Variants in NRG4 observed in about 807,000 individuals in gnomAD.
NRG4 encodes neuregulin 4.
In NRG4, 10 loss-of-function variants were observed where a neutral mutation model predicts 15.0. The observed-to-expected ratio is 0.67, with a 90% confidence interval of 0.41 to 1.13. The LOEUF is 1.13. Ranked by LOEUF, NRG4 falls within the 50% of genes most tolerant of loss-of-function variation. NRG4 has a pLI of 0.00. For missense variants in NRG4, 139 were observed against 140.2 expected (o/e 0.99, Z 0.04); for synonymous variants, 41 against 50.1 (o/e 0.82, Z 0.77).
intron 3 of NRG4, among the ~76,000 whole-genome samples, chr15:76,002,442 G>A (rs2034447598): frequency 6.6e-6 from 1 of 152,128 alleles, no homozygotes; most frequent in Non-Finnish European, 1.5e-5. Context: ...TGGTCAACGA[G>A]CAAATGGGAC....
intron 3 of NRG4, among the ~76,000 whole-genome samples, chr15:75,974,598 CCT>C: frequency 2.6e-5 from 4 of 152,210 alleles, no homozygotes; most frequent in Admixed American, 2.6e-4. Flanking sequence ...TTTATTTCTG[CCT>C]TAATTTTGTT....
At chr15:75,965,142 G>A (rs1423406656) in intron 3 of NRG4, among the ~76,000 whole-genome samples, 2 of 151,840 alleles carry the variant, frequency 1.3e-5, no homozygotes, top group Middle Eastern at 3.4e-3. Context: ...GGAGAATGGC[G>A]TGAACCCGGG....
intron 3 of NRG4, among the ~76,000 whole-genome samples, chr15:75,984,236 T>C (rs2033710223): frequency 6.6e-6 from 1 of 152,184 alleles, no homozygotes; most frequent in Non-Finnish European, 1.5e-5. Context: ...GTAATGAATG[T>C]ACCATTCTGG....
upstream of NRG4, chr15:76,059,992 A>T (rs2036260613): frequency 6.8e-6 from 1 of 147,440 alleles, no homozygotes; most frequent in South Asian, 2.1e-4. Flanking sequence ...TGCAGAGCCG[A>T]GCGAATCCCG....
chr15:76,023,688 C>T (rs1025273508), intron 5 of NRG4, among the ~76,000 whole-genome samples: 1 of 152,194 alleles, frequency 6.6e-6, no homozygotes. Flanking sequence ...TGCTCCCCTC[C>T]AGCACTGGGG....
At chr15:76,059,914 G>T (rs952094669), upstream of NRG4, 1 of 146,740 alleles carries the variant, frequency 6.8e-6, no homozygotes, top group Non-Finnish European at 1.5e-5. Context: ...GGAGGGAGCG[G>T]CGGGGCCGCG....
chr15:76,049,091 C>A (rs2035938611), intron 4 of NRG4, among the ~76,000 whole-genome samples: 1 of 150,228 alleles, frequency 6.7e-6, no homozygotes, highest in Non-Finnish European at 1.5e-5. Context: ...CAACATTGTT[C>A]CAGGAAAACT....
intron 3 of NRG4, among the ~76,000 whole-genome samples, chr15:75,981,933 A>G (rs2033623856): frequency 6.6e-6 from 1 of 152,072 alleles, no homozygotes; most frequent in Non-Finnish European, 1.5e-5. Context: ...ACAAAAAAAA[A>G]ATCACCCCCA....
intron 3 of NRG4, among the ~76,000 whole-genome samples, chr15:75,985,684 A>AG (rs1477684901): frequency 6.6e-6 from 1 of 152,212 alleles, no homozygotes; most frequent in Non-Finnish European, 1.5e-5. Context: ...AGGCCTTTCT[A>AG]AGGATAGCAG....
At chr15:76,042,880 G>A (rs911636695) in intron 4 of NRG4, among the ~76,000 whole-genome samples, 4 of 151,890 alleles carry the variant, frequency 2.6e-5, no homozygotes, top group Admixed American at 6.6e-5. Flanking sequence ...CCAATAGCCC[G>A]GGTTAACACT....
chr15:76,011,166 G>T, intron 2 of NRG4, 55 bp downstream of exon 2: 5 of 1,292,740 alleles, frequency 3.9e-6, no homozygotes, highest in Non-Finnish European at 5.1e-6. Flanking sequence ...TTTGATTGTT[G>T]TTCTATTGCT....
chr15:76,034,901 G>A (rs1406747677), intron 5 of NRG4, among the ~76,000 whole-genome samples: 1 of 152,104 alleles, frequency 6.6e-6, no homozygotes, highest in Non-Finnish European at 1.5e-5. Context: ...CCTTCTATAG[G>A]ATCCTACTGA....
At chr15:75,982,171 G>A (rs1499063) in intron 3 of NRG4, among the ~76,000 whole-genome samples, 34,982 of 151,986 alleles carry the variant, frequency 0.23, 4,851 homozygotes, top group Non-Finnish European at 0.31. Flanking sequence ...GGATATTGTC[G>A]ATCCCAAAAC....
chr15:76,018,988 T>G (rs1017758460), intron 5 of NRG4, among the ~76,000 whole-genome samples: 8 of 151,346 alleles, frequency 5.3e-5, no homozygotes, highest in Admixed American at 2.6e-4. Context: ...CATAACCCCC[T>G]GACTGGGGCT....
chr15:75,969,346 C>A, intron 3 of NRG4: 3 of 366,638 alleles, frequency 8.2e-6, no homozygotes, highest in East Asian at 8.4e-5. Flanking sequence ...AGCTGCCTTC[C>A]AAAGAAAATA....
chr15:75,943,623 C>T lies in NRG4; in HGVS notation c.*15G>A. 2.0e-6 allele frequency: 3 copies of T among 1,526,270 alleles called. No individual in the cohort carries two copies. Among genetic ancestry groups the T allele is most frequent in the Non-Finnish European group, 2.7e-6 (3 of 1,102,928 alleles). The allele number at this position is 1,526,270 out of a possible 1,614,324, so 94.5% of individuals were successfully genotyped here. On this transcript the variant is annotated 3_prime_UTR_variant, in exon 6 of 6. Transcript: ENST00000394907. ...GTAAAATAAAAACAATGATTTGGTTCACTTTGACGTTTCTTCAGTGTTGTT... is the reference window on the plus strand; with the variant it reads ...GTAAAATAAAAACAATGATTTGGTTTACTTTGACGTTTCTTCAGTGTTGTT...
At chr15:76,031,523 A>T (rs553786712) in intron 5 of NRG4, among the ~76,000 whole-genome samples, 2 of 152,194 alleles carry the variant, frequency 1.3e-5, no homozygotes, top group African/African-American at 4.8e-5. Context: ...CCCCATCTCT[A>T]TTAAAATACA....
chr15:76,056,097 G>A (rs1408843523), intron 2 of NRG4, among the ~76,000 whole-genome samples: 3 of 152,098 alleles, frequency 2.0e-5, no homozygotes, highest in Non-Finnish European at 2.9e-5. Flanking sequence ...CATGAATGTC[G>A]CTAGTTACTA....
chr15:76,056,044 G>A (rs991095680), intron 2 of NRG4, among the ~76,000 whole-genome samples: 2 of 152,142 alleles, frequency 1.3e-5, no homozygotes, highest in Non-Finnish European at 2.9e-5. Flanking sequence ...TTTATTGAGA[G>A]CCTACTGAGT....
Sources: allele counts gnomAD v4.1 joint callset (sites outside exome capture counted in the v4.1 genomes callset), GRCh38; gene constraint gnomAD v4.1.1; transcripts MANE v1.5; gene names NCBI Gene and HGNC (gene_info 2026-07-23, HGNC 2026-07-21).